The following IRAG2 variants were observed in gnomAD, a reference collection of about 807,000 sequenced individuals.
The protein encoded by IRAG2 is inositol 1,4,5-triphosphate receptor associated 2, also known as lymphoid restricted membrane protein.
In IRAG2, 45 loss-of-function variants were observed where a neutral mutation model predicts 69.9. The ratio of observed to expected loss-of-function variants is 0.64; its 90% CI spans 0.51 to 0.83. The LOEUF is 0.83. Ranked by LOEUF, IRAG2 falls within the 40% of genes least tolerant of loss-of-function variation. IRAG2 has a pLI of 0.00. For missense variants in IRAG2, 520 were observed against 587.0 expected (o/e 0.89, Z 1.18); for synonymous variants, 193 against 202.4 (o/e 0.95, Z 0.40).
chr12:25,022,075 C>T (rs1944585555), intron 7 of IRAG2, among the ~76,000 whole-genome samples: 1 of 152,214 alleles, frequency 6.6e-6, no homozygotes, highest in Non-Finnish European at 1.5e-5. Flanking sequence ...GCCACATAGT[C>T]ACTCTAAGCC....
chr12:25,033,652 T>A (rs1944685130), intron 12 of IRAG2: 1 of 375,750 alleles, frequency 2.7e-6, no homozygotes, highest in Admixed American at 4.5e-5. Flanking sequence ...GTGTATGACC[T>A]CCTAGACTCA....
intron 16 of IRAG2, among the ~76,000 whole-genome samples, chr12:25,043,014 A>AG (rs1944763048): frequency 6.6e-6 from 1 of 151,344 alleles, no homozygotes; most frequent in Non-Finnish European, 1.5e-5. Flanking sequence ...AAAAAAAAAA[A>AG]AAGAAGAGGA....
At chr12:25,058,945 T>C (rs772730453) in intron 1 of IRAG2, among the ~76,000 whole-genome samples, 1 of 152,114 alleles carries the variant, frequency 6.6e-6, no homozygotes, top group Non-Finnish European at 1.5e-5. Flanking sequence ...ATGTGGAAAA[T>C]ATGGAAATAG....
chr12:25,035,569 T>C (rs369008349), intron 13 of IRAG2: 1 of 397,884 alleles, frequency 2.5e-6, no homozygotes, highest in Non-Finnish European at 4.4e-6. Context: ...TGACATTAAC[T>C]CATGAGCATC....
At chr12:25,079,631 C>A in intron 8 of IRAG2, 25 bp from the exon 9 acceptor site, 1 of 1,434,074 alleles carries the variant, frequency 7.0e-7, no homozygotes, top group Non-Finnish European at 9.8e-7. Context: ...ATAGTATTCG[C>A]ACCATTTGTT....
chr12:25,012,566 A>C (rs375939715), intron 3 of IRAG2, among the ~76,000 whole-genome samples: 5 of 151,892 alleles, frequency 3.3e-5, no homozygotes, highest in African/African-American at 1.2e-4. Flanking sequence ...GATGGCTCAC[A>C]CCTGTAATCC....
chr12:25,105,368 G>T (rs916053850), intron 20 of IRAG2, among the ~76,000 whole-genome samples: 3 of 152,058 alleles, frequency 2.0e-5, no homozygotes, highest in Admixed American at 6.5e-5. Context: ...GAGCCACTGC[G>T]CCCGGCCTTC....
rs1946804436 is a variant in IRAG2, at chr12:25,077,277, AATATATATGAT to A, written c.25-1956_25-1946del. ...TGATATATATATGAAATATATATGA[AATATATATGAT>A]ATATATATGAAATATATATGATATA... On this transcript the variant is annotated intron_variant, in intron 6 of 21. Coordinates refer to ENST00000556887, the MANE Select transcript of IRAG2 (RefSeq NM_001366544.2). Among the ~76,000 whole-genome samples the A allele has an allele frequency of 2.7e-4, 6 of 21,824 alleles. 2 individuals carry two copies. Among genetic ancestry groups the A allele is most frequent in the South Asian group, 3.3e-3 (2 of 612 alleles). 14.3% of individuals were successfully genotyped at this position (21,824 alleles called of 152,430 possible).
chr12:25,051,313 T>C (rs1944867983), upstream of IRAG2, among the ~76,000 whole-genome samples: 1 of 152,254 alleles, frequency 6.6e-6, no homozygotes, highest in East Asian at 1.9e-4. Context: ...CATGTGGTCC[T>C]TCGTGTAACC....
chr12:25,063,112 G>T (rs889434062), intron 3 of IRAG2, among the ~76,000 whole-genome samples: 5 of 152,304 alleles, frequency 3.3e-5, no homozygotes, highest in African/African-American at 1.2e-4. Context: ...GCCCAGGCTG[G>T]AGTGCAGTGG....
chr12:25,020,032 A>G (rs76135325), intron 6 of IRAG2, among the ~76,000 whole-genome samples: 1,596 of 152,316 alleles, frequency 0.01, 32 homozygotes, highest in African/African-American at 0.037. Flanking sequence ...CCCTTCTTCA[A>G]TGCCTAGCAC....
chr12:25,096,275 GT>G (rs2140207863), intron 14 of IRAG2, among the ~76,000 whole-genome samples: 1 of 152,174 alleles, frequency 6.6e-6, no homozygotes, highest in South Asian at 2.1e-4. Context: ...TATAATTCAT[GT>G]TGCTTTAGAT....
chr12:25,096,738 A>T (rs1259167795), intron 14 of IRAG2, 172 bp from the exon 15 acceptor site: 7 of 498,748 alleles, frequency 1.4e-5, no homozygotes, highest in Non-Finnish European at 2.5e-5. Context: ...CAGTACCCAA[A>T]AAAGATAATA....
At chr12:25,100,009 A>AAAAAAAAAAAAAAAAAAC in intron 15 of IRAG2, among the ~76,000 whole-genome samples, 1 of 149,112 alleles carries the variant, frequency 6.7e-6, no homozygotes, top group Non-Finnish European at 1.5e-5. Context: ...TGAAAAAAAA[A>AAAAAAAAAAAAAAAAAAC]AAAAAAAAAA....
At chr12:25,065,385 C>T (rs995121890) in intron 4 of IRAG2, among the ~76,000 whole-genome samples, 1 of 152,090 alleles carries the variant, frequency 6.6e-6, no homozygotes, top group African/African-American at 2.4e-5. Flanking sequence ...TCTGATTGAC[C>T]CTAAACCCTA....
chr12:25,061,205 A>G (rs1945614017), intron 1 of IRAG2, among the ~76,000 whole-genome samples: 3 of 152,152 alleles, frequency 2.0e-5, no homozygotes, highest in South Asian at 2.1e-4. Flanking sequence ...TTTTGAAGCA[A>G]TGAAATGAAT....
chr12:25,051,803 T>G (rs1156276969), upstream of IRAG2, among the ~76,000 whole-genome samples: 1 of 152,220 alleles, frequency 6.6e-6, no homozygotes, highest in Non-Finnish European at 1.5e-5. Flanking sequence ...AAGCTCTCTT[T>G]CCTTTTCTTT....
chr12:25,031,191 G>A (rs921710245), intron 10 of IRAG2: 2 of 428,604 alleles, frequency 4.7e-6, no homozygotes, highest in East Asian at 1.6e-4. Flanking sequence ...CTTTGACTGG[G>A]ATACTGCGTA....
chr12:25,066,807 G>A (rs1451713810), intron 5 of IRAG2, among the ~76,000 whole-genome samples: 2 of 151,732 alleles, frequency 1.3e-5, no homozygotes, highest in African/African-American at 4.8e-5. Flanking sequence ...ATGCCACCAT[G>A]CCCAGCTAGT....
Sources: gnomAD v4.1 joint callset for allele counts (sites outside exome capture counted in the v4.1 genomes callset) on GRCh38, gnomAD v4.1.1 for gene constraint, MANE v1.5 for transcripts, NCBI Gene and HGNC (gene_info 2026-07-23, HGNC 2026-07-21) for gene names.